ARHGAP35: variants seen among roughly 807,000 people sequenced by gnomAD.
ARHGAP35 encodes Rho GTPase activating protein 35, also known as rho GTPase-activating protein 35.
In ARHGAP35, 15 loss-of-function variants were observed where a neutral mutation model predicts 111.1. The ratio of observed to expected loss-of-function variants is 0.13; its 90% CI spans 0.09 to 0.21. The LOEUF is 0.21. Ranked by LOEUF, ARHGAP35 falls within the 10% of genes least tolerant of loss-of-function variation. The probability of loss-of-function intolerance (pLI) is 1.00; values close to 1 mark genes in which losing one functional copy is unlikely to be tolerated. For missense variants in ARHGAP35, 1,262 were observed against 1,873.0 expected (o/e 0.67, Z 6.02); for synonymous variants, 643 against 710.3 (o/e 0.91, Z 1.51).
intron 1 of ARHGAP35, among the ~76,000 whole-genome samples, chr19:46,879,698 C>T (rs1475162006): frequency 2.0e-5 from 3 of 148,808 alleles, no homozygotes; most frequent in African/African-American, 5.0e-5. Context: ...GCAGGAGAAT[C>T]GCTTGAACCC....
chr19:46,889,194 T>A (rs2056011255), intron 1 of ARHGAP35, among the ~76,000 whole-genome samples: 1 of 149,312 alleles, frequency 6.7e-6, no homozygotes, highest in Non-Finnish European at 1.5e-5. Flanking sequence ...GGCCAGGCGC[T>A]GTGGCTCACA....
chr19:46,877,021 G>A (rs535264869), intron 1 of ARHGAP35, among the ~76,000 whole-genome samples: 245 of 151,786 alleles, frequency 1.6e-3, no homozygotes, highest in Non-Finnish European at 1.6e-3. Context: ...AGGCCGAGGC[G>A]GGTGGATCAC....
intron 3 of ARHGAP35, among the ~76,000 whole-genome samples, chr19:46,954,146 C>T (rs1237909848): frequency 6.6e-6 from 1 of 152,200 alleles, no homozygotes; most frequent in Non-Finnish European, 1.5e-5. Flanking sequence ...ACCAAATAGG[C>T]TGGCCCCTCG....
chr19:46,904,680 A>T (rs1304293091), intron 1 of ARHGAP35, among the ~76,000 whole-genome samples: 1 of 152,212 alleles, frequency 6.6e-6, no homozygotes, highest in Admixed American at 6.5e-5. Flanking sequence ...GTTGGCCTTT[A>T]CATGGGAAGC....
rs2056026007 is a variant in ARHGAP35 at position 46,891,936 on chromosome 19, T to C, written c.-188-26552T>C. ...CAGGCAGATTGCTTGAGTTCAGGAG[T>C]TCGAGACCAGCCTGGGCAACGTGAT... On this transcript the variant is annotated intron_variant, in intron 1 of 6. Coordinates refer to ENST00000672722, the MANE Select transcript of ARHGAP35 (RefSeq NM_004491.5). Among the ~76,000 whole-genome samples the C allele has an allele frequency of 2.0e-5, 3 of 151,242 alleles. 1 individual carries two copies. The South Asian group carries it at 6.3e-4, about 32-fold the overall frequency.
chr19:46,915,226 C>T (rs998132693), intron 1 of ARHGAP35, among the ~76,000 whole-genome samples: 6 of 152,152 alleles, frequency 3.9e-5, no homozygotes, highest in Admixed American at 1.3e-4. Flanking sequence ...TGTAAGCAAT[C>T]GCCTAGAAAA....
chr19:46,921,082 G>C lies in ARHGAP35; in HGVS notation c.2407G>C (p.Val803Leu), dbSNP rs1452184475. ...PFSADDILFP[V>L]LQSQTCKSSH... is the part of the protein sequence containing the mutation. ...TAGTGCAGATGACATACTTTTTCCT[G>C]TCCTTCAGTCCCAAACCTGTAAATC... Residue 803 changes from valine to leucine, a missense_variant, in exon 2 of 7, where the codon GTC becomes CTC. Around this residue, in one of 8 missense-constraint regions of ARHGAP35, gnomAD observed 579 missense variants for 716.9 expected, o/e 0.81. Coordinates refer to ENST00000672722, the MANE Select transcript of ARHGAP35 (RefSeq NM_004491.5). The surrounding 1 kb of genome is among the most constrained non-coding windows in gnomAD (Gnocchi z 4.3). 5 of 1,613,912 alleles carry C rather than the reference G, an allele frequency of 3.1e-6. No homozygotes were observed. Among genetic ancestry groups the C allele is most frequent in the Middle Eastern group, 1.6e-4 (1 of 6,062 alleles).
At position 46,905,372 on chromosome 19, in the gene ARHGAP35, C is replaced by CT. The variant is rs746861698; in HGVS notation, c.-188-13097dup. Among the ~76,000 whole-genome samples, 691 of 135,578 alleles carry CT rather than the reference C, an allele frequency of 5.1e-3. 4 individuals are homozygous for CT. The highest frequency in any genetic ancestry group is 0.016 in the African/African-American group (582 of 36,892). The allele number at this position is 135,578 out of a possible 152,430, so 88.9% of individuals were successfully genotyped here. A position where few individuals can be genotyped will look rare whatever the true frequency, so the allele number is the denominator to read the frequency against. On this transcript the variant is annotated intron_variant, in intron 1 of 6. Coordinates refer to ENST00000672722, the MANE Select transcript of ARHGAP35 (RefSeq NM_004491.5). Reference sequence around the variant, plus strand: ...ATCTCCACTAAAAGTAGAACTTAAACTTTTTTTTTTTTTTTTTTTAATAGA... The same window carrying CT: ...ATCTCCACTAAAAGTAGAACTTAAACTTTTTTTTTTTTTTTTTTTTAATAGA...
intron 2 of ARHGAP35, among the ~76,000 whole-genome samples, chr19:46,929,450 TC>T (rs2056258506): frequency 6.6e-6 from 1 of 152,112 alleles, no homozygotes. Context: ...TTACAGTTAG[TC>T]CATAGTATGC....
rs2056758178 is a variant in ARHGAP35, at chr19:47,003,322, T to G, written c.*2634T>G. On this transcript the variant is annotated 3_prime_UTR_variant, in exon 7 of 7. Transcript: ENST00000672722. ...TGGAAGGTGTGTGCACAGAGGGTGC[T>G]CATGGGACTCGCATGCAGCTCTCAG... 1.3e-5 allele frequency: 2 copies of G among 152,242 alleles called. No individual in the cohort carries two copies. Among genetic ancestry groups the G allele is most frequent in the South Asian group, 4.1e-4 (2 of 4,826 alleles). 9.4% of individuals were successfully genotyped at this position (152,242 alleles called of 1,614,324 possible).
intron 1 of ARHGAP35, among the ~76,000 whole-genome samples, chr19:46,872,416 ATTAAACAAGTTTTTTTTT>A (rs2055892484): frequency 6.6e-6 from 1 of 151,504 alleles, no homozygotes; most frequent in South Asian, 2.1e-4. Context: ...GGAAAAAAAG[ATTAAACAAGTTTTTTTTT>A]TTTTTGTAGT....
In ARHGAP35 at chr19:46,901,415, A is replaced by G. The variant is rs556672269; in HGVS notation, c.-188-17073A>G. Among the ~76,000 whole-genome samples, 84 of 152,222 alleles carry G rather than the reference A, an allele frequency of 5.5e-4. 1 individual carries two copies. Among genetic ancestry groups the G allele is most frequent in the Non-Finnish European group, 1.0e-3 (69 of 67,998 alleles). On this transcript the variant is annotated intron_variant, in intron 1 of 6. Coordinates refer to ENST00000672722, the MANE Select transcript of ARHGAP35 (RefSeq NM_004491.5). This position sits in a 1 kb window ranked among gnomAD's most constrained non-coding sequence, Gnocchi z 4.5. The stretch of plus-strand genomic sequence containing the variant: ...TCCACTAAAAATACAAAAATTAGCT[A>G]GGCATGGTGACGCGTGCCTGTAGTT...
intron 1 of ARHGAP35, among the ~76,000 whole-genome samples, chr19:46,882,166 C>A (rs2055965870): frequency 6.6e-6 from 1 of 151,322 alleles, no homozygotes; most frequent in Admixed American, 6.6e-5. Flanking sequence ...CAAGGTTTCG[C>A]TCTGTCACCC....
chr19:46,904,686 G>A (rs1383632683), intron 1 of ARHGAP35, among the ~76,000 whole-genome samples: 1 of 152,200 alleles, frequency 6.6e-6, no homozygotes, highest in African/African-American at 2.4e-5. Context: ...CTTTACATGG[G>A]AAGCGTTTAT....
chr19:46,982,157 AT>A (rs1396026485), intron 3 of ARHGAP35, among the ~76,000 whole-genome samples: 1 of 150,314 alleles, frequency 6.7e-6, no homozygotes, highest in African/African-American at 2.4e-5. Flanking sequence ...CTGCCAAAGT[AT>A]TTTTGTGGAA....
At position 46,918,448 on chromosome 19, in the gene ARHGAP35, T is replaced by C. The variant is rs2056176055; in HGVS notation, c.-188-40T>C. ...ATTGATTAAAATTTGGTTCTAAAAT[T>C]ATGATGCTGATGGGTTTTCTTTTTT... On this transcript the variant is annotated intron_variant, in intron 1 of 6. Transcript: ENST00000672722. This position sits in a 1 kb window ranked among gnomAD's most constrained non-coding sequence, Gnocchi z 5.4. Among the ~76,000 whole-genome samples the C allele has an allele frequency of 6.6e-6, 1 of 152,176 alleles. No individual in the cohort carries two copies. The highest frequency in any genetic ancestry group is 1.5e-5 in the Non-Finnish European group (1 of 68,032).
Position 46,945,298 on chromosome 19 carries a change from C to T in ARHGAP35, c.3826+7890C>T, listed in dbSNP as rs1479568884. On this transcript the variant is annotated intron_variant, in intron 3 of 6. Transcript: ENST00000672722. This position sits in a 1 kb window ranked among gnomAD's most constrained non-coding sequence, Gnocchi z 4.1. ...GGAAAATTGGTTGAGGCAATGGAGTCACTGCTCCCTTCTGCAGCAGTGTGG... is the reference window on the plus strand; with the variant it reads ...GGAAAATTGGTTGAGGCAATGGAGTTACTGCTCCCTTCTGCAGCAGTGTGG... 6.6e-6 allele frequency among the ~76,000 whole-genome samples: 1 copy of T among 152,164 alleles called. No individual in the cohort carries two copies.
chr19:46,871,853 G>T (rs2055889406), intron 1 of ARHGAP35, among the ~76,000 whole-genome samples: 1 of 151,806 alleles, frequency 6.6e-6, no homozygotes, highest in Non-Finnish European at 1.5e-5. Flanking sequence ...GGTGGCGGGT[G>T]CCTGTAATCC....
At chr19:46,925,775 TCTC>T (rs1322248658) in intron 2 of ARHGAP35, among the ~76,000 whole-genome samples, 1 of 152,110 alleles carries the variant, frequency 6.6e-6, no homozygotes, top group Non-Finnish European at 1.5e-5. Context: ...GTGAGTCACT[TCTC>T]CACATTCTTT....
Sources: allele counts gnomAD v4.1 joint callset (sites outside exome capture counted in the v4.1 genomes callset), GRCh38; gene constraint gnomAD v4.1.1; regional missense constraint gnomAD v4.1.1; non-coding constraint Gnocchi (gnomAD v3.1); transcripts MANE v1.5; gene names NCBI Gene and HGNC (gene_info 2026-07-23, HGNC 2026-07-21).